DMD: variants seen among roughly 807,000 people sequenced by gnomAD.
DMD encodes the protein mutant dystrophin.
DMD carries 63 observed loss-of-function variants against 330.1 expected under a neutral mutation model. That is an observed-to-expected ratio of 0.19 (90% CI 0.16 to 0.24). The LOEUF (loss-of-function observed/expected upper bound fraction) is 0.24. DMD is among the 10% of genes least tolerant of loss of function. The pLI is 1.00. For missense variants in DMD, 3,344 were observed against 2,684.1 expected (o/e 1.25, Z -5.43); for synonymous variants, 1,223 against 959.8 (o/e 1.27, Z -5.07).
At chrX:32,294,960 A>T (rs1283741218) in intron 42 of DMD, among the ~76,000 whole-genome samples, 1 of 111,385 alleles carries the variant, frequency 9.0e-6, no homozygotes, top group African/African-American at 3.3e-5. Context: ...TGGCGATATA[A>T]ACATCCCTAG....
intron 9 of DMD, among the ~76,000 whole-genome samples, chrX:32,657,561 T>G (rs1030084363): frequency 1.8e-5 from 2 of 111,666 alleles, no homozygotes; most frequent in Non-Finnish European, 1.9e-5. Flanking sequence ...GGATACCCAG[T>G]AAACAAACCG....
intron 44 of DMD, among the ~76,000 whole-genome samples, chrX:32,004,351 C>T (rs1270156710): frequency 9.0e-6 from 1 of 111,500 alleles, no homozygotes; most frequent in East Asian, 2.8e-4. Context: ...TTTGACAGAA[C>T]CAACAAGATG....
chrX:31,478,687 T>C (rs1380797757), intron 58 of DMD, among the ~76,000 whole-genome samples: 1 of 112,267 alleles, frequency 8.9e-6, no homozygotes, highest in South Asian at 3.7e-4. Context: ...ACTTGTAGTC[T>C]TTGCAACAAT....
At chrX:31,910,121 CA>C (rs1470907558) in intron 47 of DMD, among the ~76,000 whole-genome samples, 1 of 110,738 alleles carries the variant, frequency 9.0e-6, no homozygotes, top group Non-Finnish European at 1.9e-5. Context: ...CTCTCAAAGG[CA>C]CACAAAAAGA....
intron 52 of DMD, among the ~76,000 whole-genome samples, chrX:31,705,896 A>G (rs1432161248): frequency 2.7e-5 from 3 of 111,918 alleles, no homozygotes; most frequent in Non-Finnish European, 5.6e-5. Flanking sequence ...AACAAGGGCA[A>G]AGCCTTGGGA....
intron 43 of DMD, among the ~76,000 whole-genome samples, chrX:32,237,963 C>T (rs1159022986): frequency 1.8e-5 from 2 of 112,067 alleles, no homozygotes; most frequent in African/African-American, 6.5e-5. Context: ...CACTCTCCTT[C>T]TGATCTCCAA....
At chrX:33,296,584 T>C (rs1025115464) in intron 1 of DMD, among the ~76,000 whole-genome samples, 9 of 111,056 alleles carry the variant, frequency 8.1e-5, no homozygotes, top group African/African-American at 2.9e-4. Context: ...TACTAAATTT[T>C]AGAAAAAAGA....
intron 1 of DMD, among the ~76,000 whole-genome samples, chrX:33,195,342 C>T (rs1723974333): frequency 9.0e-6 from 1 of 111,689 alleles, no homozygotes; most frequent in African/African-American, 3.3e-5. Context: ...TGTCCTCAGA[C>T]ACCCACTGGA....
At chrX:31,671,102 C>A (rs749126038) in intron 53 of DMD, among the ~76,000 whole-genome samples, 1 of 111,108 alleles carries the variant, frequency 9.0e-6, no homozygotes, top group African/African-American at 3.3e-5. Flanking sequence ...TTAGCAGAGA[C>A]GGGGTTTTAC....
chrX:31,794,574 T>C (rs1427237839), intron 50 of DMD, among the ~76,000 whole-genome samples: 1 of 112,263 alleles, frequency 8.9e-6, no homozygotes, highest in African/African-American at 3.2e-5. Flanking sequence ...TCATGGTTTC[T>C]TGTTTTTTAA....
At chrX:32,552,202 T>A (rs1406087228) in intron 16 of DMD, among the ~76,000 whole-genome samples, 1 of 111,814 alleles carries the variant, frequency 8.9e-6, no homozygotes, top group Non-Finnish European at 1.9e-5. Context: ...GCTGGAACCA[T>A]CCCATTGCCT....
chrX:32,519,711 C>A (rs1241160659), intron 17 of DMD, among the ~76,000 whole-genome samples: 2 of 111,791 alleles, frequency 1.8e-5, no homozygotes, highest in Non-Finnish European at 3.8e-5. Context: ...ATATCACAAC[C>A]TAATTACTAT....
At chrX:32,368,101 T>G (rs1396277447) in intron 34 of DMD, among the ~76,000 whole-genome samples, 1 of 111,483 alleles carries the variant, frequency 9.0e-6, no homozygotes, top group East Asian at 2.8e-4. Context: ...TAAATAAGAC[T>G]TAGCCTTTAA....
At chrX:31,760,091 T>C (rs1270851738) in intron 51 of DMD, among the ~76,000 whole-genome samples, 8 of 111,850 alleles carry the variant, frequency 7.2e-5, no homozygotes, top group African/African-American at 1.6e-4. Flanking sequence ...CATCATAGAT[T>C]GCTAGGATAG....
In DMD at chrX:31,455,860, G is replaced by C. The variant is rs188000926; in HGVS notation, c.8938-11233C>G. Among the ~76,000 whole-genome samples, 567 of 112,007 alleles carry C rather than the reference G, an allele frequency of 5.1e-3. 6 individuals are homozygous for C. Among genetic ancestry groups the C allele is most frequent in the Middle Eastern group, 0.023 (5 of 219 alleles). ...GGCATTTTAACAACACTGAATAAAA[G>C]CATTAAAAATATTTACATATGAAAA... is the stretch of plus-strand genomic sequence containing the variant. On this transcript the variant is annotated intron_variant, in intron 59 of 78. Transcript: ENST00000357033.
chrX:32,580,591 T>C (rs2053553077), intron 13 of DMD, among the ~76,000 whole-genome samples: 1 of 111,637 alleles, frequency 9.0e-6, no homozygotes, highest in Non-Finnish European at 1.9e-5. Context: ...GAGATGCTTG[T>C]GATAGTAAGG....
At chrX:31,880,411 G>C (rs2168860) in intron 47 of DMD, among the ~76,000 whole-genome samples, 4,976 of 111,152 alleles carry the variant, frequency 0.045, 290 homozygotes, top group African/African-American at 0.15. Context: ...ATCTTTTAAT[G>C]AGTAAAAAAA....
chrX:33,295,541 G>A (rs749194268), intron 1 of DMD, among the ~76,000 whole-genome samples: 4 of 111,189 alleles, frequency 3.6e-5, no homozygotes, highest in African/African-American at 1.3e-4. Flanking sequence ...TAGTGACATA[G>A]ATATGTAAAT....
In DMD at chrX:32,809,348, A is replaced by G. The variant is rs1015509; in HGVS notation, c.649+145T>C. 0.49 allele frequency: 247,020 copies of G among 505,532 alleles called. 43,969 individuals are homozygous for G. The highest frequency in any genetic ancestry group is 0.56 in the Admixed American group (20,135 of 36,109). The allele number at this position is 505,532 out of a possible 1,213,427, so 41.7% of individuals were successfully genotyped here. A position where few individuals can be genotyped will look rare whatever the true frequency, so the allele number is the denominator to read the frequency against. On this transcript the variant is annotated intron_variant, in intron 7 of 78. Transcript: ENST00000357033. ...ATAAGACAATTCATAATATAGTGCA[A>G]GAAGGCTGAACATTTTAAATATATC...
Sources: allele counts gnomAD v4.1 joint callset (sites outside exome capture counted in the v4.1 genomes callset), GRCh38; gene constraint gnomAD v4.1.1; transcripts MANE v1.5; gene names NCBI Gene and HGNC (gene_info 2026-07-23, HGNC 2026-07-21).